LAMA2: variants seen among roughly 807,000 people sequenced by gnomAD.
LAMA2 encodes the protein laminin subunit alpha 2, also known as laminin subunit alpha-2.
Under a neutral mutation model 364.8 loss-of-function variants are expected in LAMA2, and 269 were observed. The ratio of observed to expected loss-of-function variants is 0.74; its 90% CI spans 0.67 to 0.82. LAMA2 has a LOEUF of 0.82. Ranked by LOEUF, LAMA2 falls within the 40% of genes least tolerant of loss-of-function variation. The pLI, the probability that LAMA2 is intolerant of heterozygous loss-of-function variation, is 0.00. For synonymous variants in LAMA2, 1,379 were observed against 1,370.6 expected (o/e 1.01, Z -0.14); for missense variants, 3,807 against 3,873.2 (o/e 0.98, Z 0.45).
intron 3 of LAMA2, among the ~76,000 whole-genome samples, chr6:129,082,801 A>G (rs778401081): frequency 1.3e-5 from 2 of 152,058 alleles, no homozygotes; most frequent in Non-Finnish European, 2.9e-5. Flanking sequence ...CTTTCTCTTT[A>G]TCTCTTTAAA....
intron 29 of LAMA2, among the ~76,000 whole-genome samples, chr6:129,328,648 G>T (rs180981117): frequency 1.3e-5 from 2 of 152,162 alleles, no homozygotes; most frequent in South Asian, 2.1e-4. Context: ...TCTTAGAAGA[G>T]CACCAGAAGA....
At chr6:129,012,412 T>C (rs1784820974) in intron 1 of LAMA2, among the ~76,000 whole-genome samples, 1 of 152,210 alleles carries the variant, frequency 6.6e-6, no homozygotes, top group Non-Finnish European at 1.5e-5. Flanking sequence ...TCTTCTAACA[T>C]GTTGTAATGT....
chr6:128,997,081 A>T (rs1042588218), intron 1 of LAMA2, among the ~76,000 whole-genome samples: 1 of 151,778 alleles, frequency 6.6e-6, no homozygotes, highest in Non-Finnish European at 1.5e-5. Context: ...AACAGTGAGA[A>T]CATATGGACG....
rs138873433 is a variant in LAMA2, at chr6:129,376,194, T to C, written c.4959+6204T>C. 8.5e-5 allele frequency among the ~76,000 whole-genome samples: 13 copies of C among 152,330 alleles called. No homozygotes were observed. In the East Asian group the frequency reaches 2.5e-3, roughly 29 times the overall value. ...CTCCCCACTACTCATGGTCTGGTCATCTGGACCCCTACGGATTGAGGGTAT... is the reference window on the plus strand; with the variant it reads ...CTCCCCACTACTCATGGTCTGGTCACCTGGACCCCTACGGATTGAGGGTAT... On this transcript the variant is annotated intron_variant, in intron 34 of 64. Coordinates refer to ENST00000421865, the MANE Select transcript of LAMA2 (RefSeq NM_000426.4).
At chr6:128,888,644 A>G (rs532165998) in intron 1 of LAMA2, among the ~76,000 whole-genome samples, 6 of 152,136 alleles carry the variant, frequency 3.9e-5, no homozygotes, top group Non-Finnish European at 8.8e-5. Context: ...ATCAGGGGGA[A>G]GAGTACTCTC....
At chr6:129,429,369 G>A (rs1781480524) in intron 41 of LAMA2, among the ~76,000 whole-genome samples, 1 of 152,278 alleles carries the variant, frequency 6.6e-6, no homozygotes, top group East Asian at 1.9e-4. Context: ...ATGCATAATA[G>A]TGACTAGCTC....
At chr6:128,921,697 G>GTTTTTTTTTTTT (rs547882651) in intron 1 of LAMA2, among the ~76,000 whole-genome samples, 3 of 118,070 alleles carry the variant, frequency 2.5e-5, no homozygotes, top group African/African-American at 1.1e-4. Context: ...ATGAATGTCT[G>GTTTTTTTTTTTT]TTTTTTTTTT....
intron 1 of LAMA2, among the ~76,000 whole-genome samples, chr6:128,998,112 G>A (rs1432170262): frequency 6.6e-6 from 1 of 152,110 alleles, no homozygotes; most frequent in Non-Finnish European, 1.5e-5. Flanking sequence ...CGGAGAGGAG[G>A]AAAAGAGGTC....
At chr6:128,929,284 G>T in intron 1 of LAMA2, 1 of 1,313,760 alleles carries the variant, frequency 7.6e-7, no homozygotes, top group Non-Finnish European at 1.1e-6. Context: ...CATTGATGCG[G>T]ATCCCTGCCC....
intron 1 of LAMA2, among the ~76,000 whole-genome samples, chr6:128,960,718 C>T (rs35358238): frequency 0.13 from 19,427 of 151,868 alleles, 1,563 homozygotes; most frequent in African/African-American, 0.23. Context: ...CTGGGGAGAC[C>T]TCCTCACCTT....
At position 129,464,341 on chromosome 6, in the gene LAMA2, T is replaced by G. The variant is rs866663584; in HGVS notation, c.7044T>G (p.Tyr2348Ter). 1.9e-6 allele frequency: 3 copies of G among 1,612,124 alleles called. No homozygotes were observed. Among genetic ancestry groups the G allele is most frequent in the African/African-American group, 2.7e-5 (2 of 74,816 alleles). Residue 2348 changes from tyrosine (Y) to a stop codon, truncating the protein, a stop_gained, in exon 50 of 65, where the codon TAT becomes TAG. Coordinates refer to ENST00000421865, the MANE Select transcript of LAMA2 (RefSeq NM_000426.4). LOFTEE classifies it high-confidence loss of function. ...EGTIQFDGEG[Y>*]ALVSRPIRWY... ...CTATTCAATTTGATGGAGAAGGTTA[T>G]GCATTGGTCAGCCGTCCCATTCGCT...
chr6:129,098,445 C>A, intron 4 of LAMA2, 30 bp downstream of exon 4: 1 of 1,612,206 alleles, frequency 6.2e-7, no homozygotes, highest in South Asian at 1.1e-5. Flanking sequence ...CATTTAAGCA[C>A]ATTTGATACG....
chr6:129,389,372 T>C (rs2114667860), intron 35 of LAMA2, among the ~76,000 whole-genome samples: 1 of 152,290 alleles, frequency 6.6e-6, no homozygotes, highest in African/African-American at 2.4e-5. Context: ...AGGTCCAAGA[T>C]CAAGGTGCTG....
At position 129,224,068 on chromosome 6, in the gene LAMA2, G is replaced by C. The variant is rs529706900; in HGVS notation, c.1783-26044G>C. 2.0e-5 allele frequency among the ~76,000 whole-genome samples: 3 copies of C among 152,158 alleles called. No individual in the cohort carries two copies. In the South Asian group the frequency reaches 6.2e-4, roughly 32 times the overall value. On this transcript the variant is annotated intron_variant, in intron 12 of 64. Coordinates refer to ENST00000421865, the MANE Select transcript of LAMA2 (RefSeq NM_000426.4). ...CTTGAAGAGGTCCTTCACATCCCTTGTAAGTTGGATTCCTAGGTATTTTAT... is the reference window on the plus strand; with the variant it reads ...CTTGAAGAGGTCCTTCACATCCCTTCTAAGTTGGATTCCTAGGTATTTTAT...
At position 128,929,104 on chromosome 6, in the gene LAMA2, C is replaced by T. The variant is rs990739467; in HGVS notation, c.112+45747C>T. ...GAATCCACACTGTGGACCGCAGCAG[C>T]GTTTTCCCGTACAGATCCAAAAACT... On this transcript the variant is annotated intron_variant, in intron 1 of 64. Coordinates refer to ENST00000421865, the MANE Select transcript of LAMA2 (RefSeq NM_000426.4). The T allele has an allele frequency of 4.1e-6, 6 of 1,451,756 alleles. No homozygotes were observed. In the East Asian group the frequency reaches 6.8e-5, roughly 17 times the overall value. The allele number at this position is 1,451,756 out of a possible 1,614,324, so 89.9% of individuals were successfully genotyped here.
rs773623089 is a variant in LAMA2 at position 129,353,139 on chromosome 6, T to C, written c.4524-25T>C. On this transcript the variant is annotated intron_variant, in intron 31 of 64. Transcript: ENST00000421865. ...AGACATGACTTGCTATTAACCTCTT[T>C]TGCTTTGTCACTGTTTCAATTCAGG... 22 of 1,595,528 alleles carry C rather than the reference T, an allele frequency of 1.4e-5. No individual in the cohort carries two copies. In the South Asian group the frequency reaches 2.4e-4, roughly 18 times the overall value.
chr6:129,119,689 A>G (rs1407463740), intron 4 of LAMA2, among the ~76,000 whole-genome samples: 3 of 152,066 alleles, frequency 2.0e-5, no homozygotes, highest in Non-Finnish European at 4.4e-5. Flanking sequence ...CTGGAACTAC[A>G]GGCGCCCGCC....
chr6:129,507,579 G>T lies in LAMA2; in HGVS notation c.8794G>T (p.Gly2932Trp). The change falls in exon 62 of 65, where the codon GGG becomes TGG. Residue 2932 changes from glycine to tryptophan, a missense_variant. Transcript: ENST00000421865. ...LEQPTSSFHVGTCFANAQRGT... is the reference protein window; with the variant it reads ...LEQPTSSFHVWTCFANAQRGT... The stretch of plus-strand genomic sequence containing the variant: ...ACAACCCACCTCCAGCTTCCATGTT[G>T]GGACATGTTTTGCAAATGCTCAGAG... 1 of 1,614,174 alleles carries T rather than the reference G, an allele frequency of 6.2e-7. No homozygotes were observed. The highest frequency in any genetic ancestry group is 8.5e-7 in the Non-Finnish European group (1 of 1,179,998).
chr6:129,452,766 G>A (rs904719228), intron 45 of LAMA2, among the ~76,000 whole-genome samples: 4 of 152,146 alleles, frequency 2.6e-5, no homozygotes, highest in African/African-American at 4.8e-5. Context: ...ACAAGACATG[G>A]AACTGTGAAC....
Sources: allele counts gnomAD v4.1 joint callset (sites outside exome capture counted in the v4.1 genomes callset), GRCh38; gene constraint gnomAD v4.1.1; transcripts MANE v1.5; gene names NCBI Gene and HGNC (gene_info 2026-07-23, HGNC 2026-07-21).